The following MAP4K3 variants were observed in gnomAD, a reference collection of about 807,000 sequenced individuals.
The protein encoded by MAP4K3 is mitogen-activated protein kinase kinase kinase kinase 3.
In MAP4K3, 94 loss-of-function variants were observed where a neutral mutation model predicts 143.5. That is an observed-to-expected ratio of 0.65 (90% CI 0.55 to 0.78). MAP4K3 has a LOEUF of 0.78. Among genes scored for constraint, MAP4K3 ranks in the 30% least tolerant of loss-of-function variants. The pLI, the probability that MAP4K3 is intolerant of heterozygous loss-of-function variation, is 0.00. For missense variants in MAP4K3, 1,077 were observed against 1,068.1 expected, an observed-to-expected ratio of 1.01 and a Z score of -0.12; for synonymous variants, 416 against 347.2, an observed-to-expected ratio of 1.20 and a Z score of -2.20.
intron 1 of MAP4K3, among the ~76,000 whole-genome samples, chr2:39,435,316 T>C (rs958044370): frequency 2.6e-5 from 4 of 152,168 alleles, no homozygotes; most frequent in African/African-American, 9.7e-5. Flanking sequence ...TAGTTCCCCA[T>C]TGTCCTAAAC....
intron 31 of MAP4K3, among the ~76,000 whole-genome samples, chr2:39,255,924 C>G (rs1163298080): frequency 6.6e-6 from 1 of 152,160 alleles, no homozygotes; most frequent in Non-Finnish European, 1.5e-5. Context: ...AACTGAAGAA[C>G]TGGCATCTTT....
chr2:39,428,369 T>C (rs1013554783), intron 1 of MAP4K3, among the ~76,000 whole-genome samples: 26 of 152,252 alleles, frequency 1.7e-4, no homozygotes, highest in Admixed American at 5.2e-4. Flanking sequence ...CCAAGTTTTA[T>C]AAGGTATTTG....
At chr2:39,270,009 AT>A (rs1189463468) in intron 26 of MAP4K3, among the ~76,000 whole-genome samples, 5 of 152,182 alleles carry the variant, frequency 3.3e-5, no homozygotes, top group African/African-American at 1.2e-4. Context: ...GTTAAAAAAA[AT>A]CTGAACCAAG....
chr2:39,428,996 C>T (rs1306537643), intron 1 of MAP4K3, among the ~76,000 whole-genome samples: 3 of 125,106 alleles, frequency 2.4e-5, no homozygotes, highest in African/African-American at 5.9e-5. Flanking sequence ...ACCCAGGAGG[C>T]GGAGGTTGCA....
At chr2:39,262,742 G>A (rs1423940595) in intron 28 of MAP4K3, among the ~76,000 whole-genome samples, 7 of 152,100 alleles carry the variant, frequency 4.6e-5, no homozygotes, top group Admixed American at 4.6e-4. Flanking sequence ...ATAACACGGT[G>A]CCTTGCCTGC....
At chr2:39,428,758 T>G (rs971897395) in intron 1 of MAP4K3, among the ~76,000 whole-genome samples, 23 of 151,766 alleles carry the variant, frequency 1.5e-4, no homozygotes, top group Non-Finnish European at 2.8e-4. Context: ...CCCTTTCATT[T>G]TTGTCAATTT....
chr2:39,364,703 A>G (rs1164110191), intron 2 of MAP4K3, among the ~76,000 whole-genome samples: 6 of 152,328 alleles, frequency 3.9e-5, no homozygotes, highest in African/African-American at 1.4e-4. Context: ...CCCCATCTTT[A>G]CTAAAAATAC....
At chr2:39,316,781 T>G (rs999101587) in intron 12 of MAP4K3, among the ~76,000 whole-genome samples, 1 of 152,164 alleles carries the variant, frequency 6.6e-6, no homozygotes, top group African/African-American at 2.4e-5. Context: ...ATAAGCAGAA[T>G]TGATTCTAAA....
rs1203463484 is a variant in MAP4K3, at chr2:39,325,799, A to G, written c.738T>C (p.Phe246=). The G allele has an allele frequency of 6.2e-7, 1 of 1,607,770 alleles. No individual in the cohort carries two copies. The highest frequency in any genetic ancestry group is 1.7e-5 in the Admixed American group (1 of 58,872). The change falls in exon 11 of 34, where the codon TTT becomes TTC. Residue 246 remains phenylalanine, a synonymous_variant. Coordinates refer to ENST00000263881, the MANE Select transcript of MAP4K3 (RefSeq NM_003618.4). ...TAAGTGCCATTTTCACAAAGTGATG[A>G]AAACTATTTGACCTAAGAAATTTAG... ...LKDKMKWSNS[F]HHFVKMALTK...
At position 39,339,960 on chromosome 2, in the gene MAP4K3, G is replaced by A. The variant is rs545224818; in HGVS notation, c.311-2379C>T. Among the ~76,000 whole-genome samples the A allele has an allele frequency of 4.6e-5, 7 of 152,062 alleles. No homozygotes were observed. The South Asian group carries it at 1.2e-3, about 27-fold the overall frequency. On this transcript the variant is annotated intron_variant, in intron 4 of 33. Transcript: ENST00000263881. ...AAATAATTAACCATAAAGATATAAC[G>A]GGTTGTGGAAAGTTATTAAAGAACA... is the stretch of plus-strand genomic sequence containing the variant.
At chr2:39,306,373 A>G (rs1682707431) in intron 15 of MAP4K3, among the ~76,000 whole-genome samples, 1 of 152,196 alleles carries the variant, frequency 6.6e-6, no homozygotes, top group Non-Finnish European at 1.5e-5. Flanking sequence ...TTAATTCCCA[A>G]TCCTCACACA....
chr2:39,378,205 TCA>T, intron 1 of MAP4K3, 82 bp from the exon 2 acceptor site: 1 of 696,118 alleles, frequency 1.4e-6, no homozygotes, highest in South Asian at 1.9e-5. Context: ...CTTACTGTTT[TCA>T]GTTATATAAA....
intron 1 of MAP4K3, among the ~76,000 whole-genome samples, chr2:39,399,994 T>TC (rs1666910057): frequency 6.6e-6 from 1 of 152,052 alleles, no homozygotes; most frequent in African/African-American, 2.4e-5. Flanking sequence ...TAAGACAATT[T>TC]CCCCAGACTT....
chr2:39,279,427 TGA>T (rs1372001865), intron 23 of MAP4K3, among the ~76,000 whole-genome samples: 1 of 152,184 alleles, frequency 6.6e-6, no homozygotes, highest in Non-Finnish European at 1.5e-5. Context: ...GCATATTTAA[TGA>T]GTGTATGTGT....
intron 11 of MAP4K3, 37 bp from the exon 12 acceptor site, chr2:39,325,665 A>T (rs373189717): frequency 6.4e-7 from 1 of 1,568,066 alleles, no homozygotes; most frequent in African/African-American, 1.4e-5. Context: ...CACTTACTAT[A>T]AATCTGATTG....
intron 1 of MAP4K3, among the ~76,000 whole-genome samples, chr2:39,384,269 G>A (rs918699360): frequency 7.9e-5 from 12 of 152,124 alleles, no homozygotes; most frequent in African/African-American, 2.9e-4. Context: ...GCTCAAGCCG[G>A]GCGTCGTGGC....
At chr2:39,267,166 A>G in intron 27 of MAP4K3, 23 bp downstream of exon 27, 1 of 1,611,578 alleles carries the variant, frequency 6.2e-7, no homozygotes, top group Non-Finnish European at 8.5e-7. Context: ...AGAGAGCTAT[A>G]TGCTATTGGA....
chr2:39,412,085 T>A (rs551151629), intron 1 of MAP4K3, among the ~76,000 whole-genome samples: 2 of 152,308 alleles, frequency 1.3e-5, no homozygotes, highest in African/African-American at 4.8e-5. Flanking sequence ...ATTAGGAAGA[T>A]CACTTTAAAG....
At chr2:39,368,708 A>G (rs1231392492) in intron 2 of MAP4K3, among the ~76,000 whole-genome samples, 1 of 152,086 alleles carries the variant, frequency 6.6e-6, no homozygotes, top group Non-Finnish European at 1.5e-5. Flanking sequence ...AAAGAAAAAA[A>G]GTTAAATAAA....
Sources: allele counts gnomAD v4.1 joint callset (sites outside exome capture counted in the v4.1 genomes callset), GRCh38; gene constraint gnomAD v4.1.1; transcripts MANE v1.5; gene names NCBI Gene and HGNC (gene_info 2026-07-23, HGNC 2026-07-21).